Variants in ITGBL1 observed in about 807,000 individuals in gnomAD.
The protein encoded by ITGBL1 is integrin subunit beta like 1, also known as integrin beta-like protein 1.
In ITGBL1, 51 loss-of-function variants were observed where a neutral mutation model predicts 68.5. The observed-to-expected ratio is 0.74, with a 90% CI of 0.59 to 0.94. The LOEUF (loss-of-function observed/expected upper bound fraction) is 0.94. Ranked by LOEUF, ITGBL1 falls within the 40% of genes least tolerant of loss-of-function variation. The pLI is 0.00. For missense variants in ITGBL1, 649 were observed against 647.4 expected, an observed-to-expected ratio of 1.00 and a Z score of -0.03; for synonymous variants, 209 against 227.3, an observed-to-expected ratio of 0.92 and a Z score of 0.72.
chr13:101,641,292 T>C lies in ITGBL1; in HGVS notation c.1015+42993T>C, dbSNP rs550574459. Among the ~76,000 whole-genome samples the C allele has an allele frequency of 3.9e-5, 6 of 152,288 alleles. No homozygotes were observed. The East Asian group carries it at 9.6e-4, about 24-fold the overall frequency. On this transcript the variant is annotated intron_variant, in intron 7 of 10. Transcript: ENST00000376180. ...AATGGTTGTTAAATAAATGCATTAC[T>C]TTAATAATCTGCCAGTCAGTTTATG...
intron 7 of ITGBL1, among the ~76,000 whole-genome samples, chr13:101,651,375 G>A (rs1400441122): frequency 2.0e-5 from 3 of 152,110 alleles, no homozygotes; most frequent in Non-Finnish European, 4.4e-5. Context: ...TTGTAGTTTT[G>A]ATTTACGTTT....
At chr13:101,624,584 C>T (rs1481288048) in intron 7 of ITGBL1, among the ~76,000 whole-genome samples, 1 of 152,172 alleles carries the variant, frequency 6.6e-6, no homozygotes, top group African/African-American at 2.4e-5. Context: ...CAGTGAACAT[C>T]TGTGCTTTCT....
At chr13:101,600,204 G>A (rs1448236218) in intron 7 of ITGBL1, among the ~76,000 whole-genome samples, 4 of 152,104 alleles carry the variant, frequency 2.6e-5, no homozygotes, top group Non-Finnish European at 4.4e-5. Flanking sequence ...AAGCAATTGT[G>A]AATGGGAGTT....
At chr13:101,459,965 T>A (rs1030120707) in intron 2 of ITGBL1, among the ~76,000 whole-genome samples, 5 of 152,180 alleles carry the variant, frequency 3.3e-5, no homozygotes, top group African/African-American at 1.2e-4. Flanking sequence ...CTGGACTTCC[T>A]GGCTCTTGAG....
chr13:101,613,857 C>T (rs2031240629), intron 7 of ITGBL1, among the ~76,000 whole-genome samples: 1 of 152,158 alleles, frequency 6.6e-6, no homozygotes, highest in Non-Finnish European at 1.5e-5. Context: ...CATGAAGACT[C>T]ACCACTCTGC....
chr13:101,608,273 A>G (rs2030966756), intron 7 of ITGBL1, among the ~76,000 whole-genome samples: 4 of 152,038 alleles, frequency 2.6e-5, no homozygotes, highest in African/African-American at 7.2e-5. Context: ...GATATTTTTC[A>G]ATGAAGTCAC....
intron 8 of ITGBL1, among the ~76,000 whole-genome samples, chr13:101,698,617 A>G (rs975737139): frequency 6.6e-6 from 1 of 152,246 alleles, no homozygotes; most frequent in Non-Finnish European, 1.5e-5. Flanking sequence ...CTTTATTAAA[A>G]GAAGATGTTA....
chr13:101,455,194 G>A (rs184100220), intron 2 of ITGBL1, among the ~76,000 whole-genome samples: 245 of 152,308 alleles, frequency 1.6e-3, no homozygotes, highest in African/African-American at 5.4e-3. Context: ...AACATAGAAA[G>A]ATCAAGAATG....
At chr13:101,613,292 GTTCA>G (rs376038528) in intron 7 of ITGBL1, among the ~76,000 whole-genome samples, 6 of 151,946 alleles carry the variant, frequency 3.9e-5, no homozygotes, top group East Asian at 1.9e-4. Context: ...CAAGGTCAAC[GTTCA>G]TTCATTCATT....
chr13:101,716,565 A>G (rs1343071382), downstream of ITGBL1: 2 of 152,180 alleles, frequency 1.3e-5, no homozygotes, highest in South Asian at 4.1e-4. Context: ...GGTTATGCGT[A>G]CAAGAAATCT....
intron 7 of ITGBL1, among the ~76,000 whole-genome samples, chr13:101,647,957 C>G (rs772278742): frequency 7.2e-5 from 11 of 152,112 alleles, no homozygotes; most frequent in Admixed American, 2.0e-4. Context: ...TTTCAACATC[C>G]ATGAAGAAGC....
At chr13:101,590,908 G>GTT (rs544627637) in intron 6 of ITGBL1, among the ~76,000 whole-genome samples, 34 of 151,810 alleles carry the variant, frequency 2.2e-4, no homozygotes, top group African/African-American at 7.7e-4. Context: ...GAACTTCTTT[G>GTT]TTTTGTTTTT....
rs146961443 is a variant in ITGBL1 at position 101,579,007 on chromosome 13, A to G, written c.587-280A>G. On this transcript the variant is annotated intron_variant, in intron 4 of 10. Coordinates refer to ENST00000376180, the MANE Select transcript of ITGBL1 (RefSeq NM_004791.3). ...TGCATTTGAGATGGAAAAGTAATAGACTGTCATGGTCATTCATGTCATTTC... is the reference window on the plus strand; with the variant it reads ...TGCATTTGAGATGGAAAAGTAATAGGCTGTCATGGTCATTCATGTCATTTC... 2.2e-3 allele frequency among the ~76,000 whole-genome samples: 336 copies of G among 152,284 alleles called. 1 individual carries two copies. Among genetic ancestry groups the G allele is most frequent in the African/African-American group, 7.5e-3 (313 of 41,572 alleles).
At position 101,457,772 on chromosome 13, in the gene ITGBL1, C is replaced by T. The variant is rs149122705; in HGVS notation, c.316+3672C>T. Among the ~76,000 whole-genome samples the T allele has an allele frequency of 1.1e-3, 167 of 152,044 alleles. 3 individuals are homozygous for T. The East Asian group carries it at 0.028, about 26-fold the overall frequency. On this transcript the variant is annotated intron_variant, in intron 2 of 10. Coordinates refer to ENST00000376180, the MANE Select transcript of ITGBL1 (RefSeq NM_004791.3). ...CAGAGGTTGCAGTGAGCCAAGATTG[C>T]GCCATTGCACTCCAGCCTGAGTGAC...
chr13:101,464,747 TGTAA>T (rs1478045090), intron 2 of ITGBL1, among the ~76,000 whole-genome samples: 3 of 152,134 alleles, frequency 2.0e-5, no homozygotes, highest in Non-Finnish European at 2.9e-5. Context: ...TATGTGAATA[TGTAA>T]GTATGTGCAC....
intron 2 of ITGBL1, among the ~76,000 whole-genome samples, chr13:101,533,036 C>T (rs1166979408): frequency 6.6e-6 from 1 of 152,184 alleles, no homozygotes; most frequent in Non-Finnish European, 1.5e-5. Flanking sequence ...CATCATAGGA[C>T]ATACTTCTAG....
chr13:101,473,972 A>G (rs1264303484), intron 2 of ITGBL1, among the ~76,000 whole-genome samples: 1 of 152,096 alleles, frequency 6.6e-6, no homozygotes, highest in African/African-American at 2.4e-5. Context: ...CATGGGTGAG[A>G]CCCAGGGCCA....
intron 2 of ITGBL1, among the ~76,000 whole-genome samples, chr13:101,498,659 G>GT (rs894096566): frequency 6.6e-6 from 1 of 152,262 alleles, no homozygotes; most frequent in East Asian, 1.9e-4. Flanking sequence ...AATTTGTTCA[G>GT]TTGTATACTT....
chr13:101,507,631 A>G (rs2049047397), intron 2 of ITGBL1, among the ~76,000 whole-genome samples: 1 of 152,180 alleles, frequency 6.6e-6, no homozygotes, highest in Non-Finnish European at 1.5e-5. Flanking sequence ...ATTTTTATAC[A>G]GCGTCATTTC....
Sources: gnomAD v4.1 joint callset for allele counts (sites outside exome capture counted in the v4.1 genomes callset) on GRCh38, gnomAD v4.1.1 for gene constraint, MANE v1.5 for transcripts, NCBI Gene and HGNC (gene_info 2026-07-23, HGNC 2026-07-21) for gene names.